Variants in MAP3K20 observed in about 807,000 individuals in gnomAD.
MAP3K20 encodes the protein mitogen-activated protein kinase kinase kinase 20.
MAP3K20 carries 40 observed loss-of-function variants against 85.7 expected under a neutral mutation model. The observed-to-expected ratio is 0.47, with a 90% CI of 0.36 to 0.61. The LOEUF is 0.61. MAP3K20 is among the 20% of genes least tolerant of loss of function. MAP3K20 has a pLI of 0.00. For missense variants in MAP3K20, 817 were observed against 961.7 expected (o/e 0.85, Z 1.99); for synonymous variants, 325 against 327.7 (o/e 0.99, Z 0.09).
In MAP3K20 at chr2:173,123,182, C is replaced by A. The variant is rs571767468; in HGVS notation, c.159+31992C>A. ...AACCTCATTACAAGTTTCAGTCAACCAACCAAGTAAGCTCTCAGAGACTTC... is the reference window on the plus strand; with the variant it reads ...AACCTCATTACAAGTTTCAGTCAACAAACCAAGTAAGCTCTCAGAGACTTC... On this transcript the variant is annotated intron_variant, in intron 2 of 19. Transcript: ENST00000375213. 4.4e-4 allele frequency among the ~76,000 whole-genome samples: 67 copies of A among 152,296 alleles called. No individual in the cohort carries two copies. The South Asian group carries it at 0.014, about 31-fold the overall frequency.
intron 2 of MAP3K20, among the ~76,000 whole-genome samples, chr2:173,115,033 G>A (rs1337149721): frequency 6.6e-6 from 1 of 152,106 alleles, no homozygotes; most frequent in Non-Finnish European, 1.5e-5. Context: ...TCTTCCTCAG[G>A]AACACCAATT....
intron 2 of MAP3K20, among the ~76,000 whole-genome samples, chr2:173,101,887 C>T (rs1265966787): frequency 6.6e-6 from 1 of 152,156 alleles, no homozygotes; most frequent in Non-Finnish European, 1.5e-5. Flanking sequence ...TTGACTCATA[C>T]TCCCGGTTAG....
At chr2:173,098,391 T>C (rs1443283435) in intron 2 of MAP3K20, among the ~76,000 whole-genome samples, 1 of 152,146 alleles carries the variant, frequency 6.6e-6, no homozygotes, top group Non-Finnish European at 1.5e-5. Flanking sequence ...ACAACACAAG[T>C]GGAAAATATC....
intron 2 of MAP3K20, among the ~76,000 whole-genome samples, chr2:173,113,280 C>A (rs2106177316): frequency 6.6e-6 from 1 of 151,936 alleles, no homozygotes; most frequent in Middle Eastern, 3.4e-3. Flanking sequence ...GGATTTTTTT[C>A]TCTTCTTTGC....
At chr2:173,168,089 TAAA>T (rs1689888972) in intron 2 of MAP3K20, among the ~76,000 whole-genome samples, 1 of 73,502 alleles carries the variant, frequency 1.4e-5, no homozygotes, top group Non-Finnish European at 4.9e-5. Flanking sequence ...CTAATAATAA[TAAA>T]TAAACTTTAT....
chr2:173,211,404 T>C (rs928593552), intron 10 of MAP3K20: 3 of 152,294 alleles, frequency 2.0e-5, no homozygotes, highest in Admixed American at 2.0e-4. Flanking sequence ...TCTCCCCTTT[T>C]CAGGATCTTT....
chr2:173,200,049 C>A lies in MAP3K20; in HGVS notation c.669+1937C>A, dbSNP rs367946043. ...ATGAAGACTACTCAAATACTTCCCA[C>A]ACTGTATTCATTAAATATAATAGTT... On this transcript the variant is annotated intron_variant, in intron 8 of 19. Coordinates refer to ENST00000375213, the MANE Select transcript of MAP3K20 (RefSeq NM_016653.3). Among the ~76,000 whole-genome samples the A allele has an allele frequency of 5.1e-4, 77 of 152,306 alleles. 1 individual carries two copies. In the South Asian group the frequency reaches 8.5e-3, roughly 17 times the overall value.
intron 2 of MAP3K20, among the ~76,000 whole-genome samples, chr2:173,113,294 G>A (rs1688024829): frequency 6.6e-6 from 1 of 151,946 alleles, no homozygotes; most frequent in South Asian, 2.1e-4. Context: ...TCTTTGCTTG[G>A]TTAATCTTGC....
chr2:173,215,480 T>C (rs561809511), intron 10 of MAP3K20: 5 of 152,368 alleles, frequency 3.3e-5, no homozygotes, highest in African/African-American at 1.2e-4. Flanking sequence ...GATTTTATGG[T>C]ACAGTCATAA....
At chr2:173,242,129 T>C (rs1275872032) in intron 16 of MAP3K20, among the ~76,000 whole-genome samples, 3 of 151,934 alleles carry the variant, frequency 2.0e-5, no homozygotes, top group African/African-American at 7.3e-5. Context: ...AGAGAAAAAA[T>C]TTCCTTGGAA....
chr2:173,121,797 A>G (rs1222472793), intron 2 of MAP3K20, among the ~76,000 whole-genome samples: 1 of 152,026 alleles, frequency 6.6e-6, no homozygotes, highest in Admixed American at 6.6e-5. Context: ...TCAGGGGCTC[A>G]GTGTCTATCT....
chr2:173,267,617 G>A lies in MAP3K20; in HGVS notation c.*867G>A, dbSNP rs942994675. On this transcript the variant is annotated 3_prime_UTR_variant, in exon 20 of 20. Coordinates refer to ENST00000375213, the MANE Select transcript of MAP3K20 (RefSeq NM_016653.3). ...GGTTCTTTCTCTTCCTAAGTTCCCA[G>A]CGACTGCTTTCAAATACTATTTTCT... is the stretch of plus-strand genomic sequence containing the variant. The A allele has an allele frequency of 6.6e-6, 1 of 152,154 alleles. No individual in the cohort carries two copies. Among genetic ancestry groups the A allele is most frequent in the African/African-American group, 2.4e-5 (1 of 41,430 alleles). 9.4% of individuals were successfully genotyped at this position (152,154 alleles called of 1,614,324 possible). A position where few individuals can be genotyped will look rare whatever the true frequency, so the allele number is the denominator to read the frequency against.
rs1690376771 is a variant in MAP3K20, at chr2:173,183,031, A to G, written c.349+76A>G. ...TCCTGAAATGGGGACTTAACATCAGAAAATGTTTTATTCTGTCTTTAGATG... is the reference window on the plus strand; with the variant it reads ...TCCTGAAATGGGGACTTAACATCAGGAAATGTTTTATTCTGTCTTTAGATG... On this transcript the variant is annotated intron_variant, in intron 4 of 19. Transcript: ENST00000375213. 13 of 1,144,434 alleles carry G rather than the reference A, an allele frequency of 1.1e-5. No individual in the cohort carries two copies. The South Asian group carries it at 1.8e-4, about 15-fold the overall frequency. The allele number at this position is 1,144,434 out of a possible 1,614,324, so 70.9% of individuals were successfully genotyped here. A position where few individuals can be genotyped will look rare whatever the true frequency, so the allele number is the denominator to read the frequency against.
At chr2:173,202,620 A>G (rs1030657316) in intron 8 of MAP3K20, among the ~76,000 whole-genome samples, 3 of 152,218 alleles carry the variant, frequency 2.0e-5, no homozygotes, top group African/African-American at 7.2e-5. Flanking sequence ...ATAATGCTCT[A>G]ACTGTAATAT....
rs1685446706 is a variant in MAP3K20 at position 173,267,245 on chromosome 2, A to T, written c.*495A>T. The T allele has an allele frequency of 6.6e-6, 1 of 152,190 alleles. No individual in the cohort carries two copies. The highest frequency in any genetic ancestry group is 6.5e-5 in the Admixed American group (1 of 15,278). The allele number at this position is 152,190 out of a possible 1,614,324, so 9.4% of individuals were successfully genotyped here. A position where few individuals can be genotyped will look rare whatever the true frequency, so the allele number is the denominator to read the frequency against. Reference sequence around the variant, plus strand: ...AATTTTTGCATTTATTTTTTTAAATATTGCATTAAAATATCATTTAGCTTG... The same window carrying T: ...AATTTTTGCATTTATTTTTTTAAATTTTGCATTAAAATATCATTTAGCTTG... On this transcript the variant is annotated 3_prime_UTR_variant, in exon 20 of 20. Coordinates refer to ENST00000375213, the MANE Select transcript of MAP3K20 (RefSeq NM_016653.3).
rs1690913264 is a variant in MAP3K20 at position 173,198,144 on chromosome 2, G to A, written c.669+32G>A. The A allele has an allele frequency of 8.2e-6, 13 of 1,584,944 alleles. No individual in the cohort carries two copies. Among genetic ancestry groups the A allele is most frequent in the Non-Finnish European group, 1.1e-5 (13 of 1,160,802 alleles). ...CTACGTTTCTCCATTCAGGTACATAGATCAGAAAACAGTATTGGGGTTTTG... is the reference window on the plus strand; with the variant it reads ...CTACGTTTCTCCATTCAGGTACATAAATCAGAAAACAGTATTGGGGTTTTG... On this transcript the variant is annotated intron_variant, in intron 8 of 19. Transcript: ENST00000375213. This position sits in a 1 kb window ranked among gnomAD's most constrained non-coding sequence, Gnocchi z 5.8.
At chr2:173,183,597 C>T (rs1559267334) in intron 4 of MAP3K20, among the ~76,000 whole-genome samples, 4 of 149,674 alleles carry the variant, frequency 2.7e-5, no homozygotes, top group Non-Finnish European at 6.0e-5. Flanking sequence ...TTATTTTTAT[C>T]TTTTTTTTTT....
intron 16 of MAP3K20, among the ~76,000 whole-genome samples, chr2:173,258,356 A>C (rs1685206724): frequency 1.3e-5 from 2 of 152,182 alleles, no homozygotes; most frequent in Admixed American, 6.5e-5. Context: ...TAATATGTAA[A>C]TTAAATGGGT....
rs756320487 is a variant in MAP3K20, at chr2:173,266,356, G to A, written c.2009G>A (p.Arg670Lys). 6.2e-7 allele frequency: 1 copy of A among 1,614,162 alleles called. No homozygotes were observed. The highest frequency in any genetic ancestry group is 1.7e-5 in the Admixed American group (1 of 60,020). The change falls in exon 20 of 20, where the codon AGG (arginine) becomes AAG (lysine). Residue 670 changes from arginine (R) to lysine (K), a missense_variant. Physicochemically the swap from Arg to Lys is conservative, Grantham distance 26 (BLOSUM62 2). Around this residue, in one of 4 missense-constraint regions of MAP3K20, gnomAD observed 454 missense variants for 476.9 expected, o/e 0.95. Coordinates refer to ENST00000375213, the MANE Select transcript of MAP3K20 (RefSeq NM_016653.3). ...GGCAATACTGACACCTCTTCAGAGAGGGGTCGATACTCAGACAGAAGCAGG... is the reference window on the plus strand; with the variant it reads ...GGCAATACTGACACCTCTTCAGAGAAGGGTCGATACTCAGACAGAAGCAGG... Reference protein sequence around the residue: ...SSGNTDTSSERGRYSDRSRNK... With the variant: ...SSGNTDTSSEKGRYSDRSRNK...
Sources: allele counts gnomAD v4.1 joint callset (sites outside exome capture counted in the v4.1 genomes callset), GRCh38; gene constraint gnomAD v4.1.1; regional missense constraint gnomAD v4.1.1; non-coding constraint Gnocchi (gnomAD v3.1); transcripts MANE v1.5; gene names NCBI Gene and HGNC (gene_info 2026-07-23, HGNC 2026-07-21).